Variants in CHM observed in about 807,000 individuals in gnomAD.
CHM encodes CHM Rab escort protein.
In CHM, 10 loss-of-function variants were observed where a neutral mutation model predicts 49.0. The ratio of observed to expected loss-of-function variants is 0.20; its 90% confidence interval spans 0.13 to 0.35. The LOEUF (loss-of-function observed/expected upper bound fraction) is 0.35. Ranked by LOEUF, CHM falls within the 10% of genes least tolerant of loss-of-function variation. The pLI is 1.00. For synonymous variants in CHM, 184 were observed against 167.5 expected (o/e 1.10, Z -0.76); for missense variants, 455 against 478.4 (o/e 0.95, Z 0.46).
intron 2 of CHM, among the ~76,000 whole-genome samples, chrX:86,017,729 A>G (rs1040853244): frequency 2.7e-5 from 3 of 111,683 alleles, no homozygotes; most frequent in African/African-American, 9.8e-5. Context: ...CACACAAAAT[A>G]GTCTTTAAAG....
At chrX:85,960,215 CATA>C (rs1350297034) in intron 5 of CHM, among the ~76,000 whole-genome samples, 1 of 111,412 alleles carries the variant, frequency 9.0e-6, no homozygotes, top group Non-Finnish European at 1.9e-5. Context: ...CCTGCATAGC[CATA>C]ATAATGTCAC....
intron 12 of CHM, among the ~76,000 whole-genome samples, chrX:85,893,361 G>A (rs719988): frequency 0.27 from 30,170 of 110,766 alleles, 3,333 homozygotes; most frequent in Admixed American, 0.38. Context: ...AAGTGAAAGA[G>A]CAGGTAAAGT....
rs1213396073 is a variant in CHM at position 85,957,849 on chromosome X, A to C, written c.940+6T>G. ...ATTGGAGAGCACTACTTAATGAAAAAAATACCTTTATATTCATCAGGATAT... is the reference window on the plus strand; with the variant it reads ...ATTGGAGAGCACTACTTAATGAAAACAATACCTTTATATTCATCAGGATAT... On this transcript the variant is annotated splice_donor_region_variant and intron_variant, in intron 7 of 14. Transcript: ENST00000357749. 3 of 1,199,786 alleles carry C rather than the reference A, an allele frequency of 2.5e-6. No homozygotes were observed. The highest frequency in any genetic ancestry group is 1.8e-5 in the African/African-American group (1 of 56,763).
chrX:86,008,090 A>C (rs1932903793), intron 2 of CHM, among the ~76,000 whole-genome samples: 1 of 111,990 alleles, frequency 8.9e-6, no homozygotes, highest in African/African-American at 3.3e-5. Flanking sequence ...AAAAAGGATG[A>C]GTTCATGTCC....
chrX:86,017,466 T>G (rs760424027), intron 2 of CHM, among the ~76,000 whole-genome samples: 1 of 111,586 alleles, frequency 9.0e-6, no homozygotes, highest in Non-Finnish European at 1.9e-5. Context: ...ACTGTTCTCA[T>G]GGTAGTGAAT....
chrX:86,046,953 C>T lies in CHM; in HGVS notation c.49+531G>A, dbSNP rs944167994. On this transcript the variant is annotated intron_variant, in intron 1 of 14. Coordinates refer to ENST00000357749, the MANE Select transcript of CHM (RefSeq NM_000390.4). ...TTCTCAACAAAATAGAATCCGTTTA[C>T]TTTCCCTAGTAAATTCATACGCACA... Among the ~76,000 whole-genome samples the T allele has an allele frequency of 8.0e-5, 9 of 111,826 alleles. No homozygotes were observed. The East Asian group carries it at 2.5e-3, about 32-fold the overall frequency.
chrX:85,900,728 T>G lies in CHM; in HGVS notation c.1350-19A>C. 1 of 1,115,885 alleles carries G rather than the reference T, an allele frequency of 9.0e-7. No homozygotes were observed. The highest frequency in any genetic ancestry group is 2.4e-4 in the Middle Eastern group (1 of 4,123). 92.0% of individuals were successfully genotyped at this position (1,115,885 alleles called of 1,213,427 possible). The stretch of plus-strand genomic sequence containing the variant: ...GATCTGCCTGTAATGCACAAAACAG[T>G]GAAGCAGTAATTCTGATTCCATGGA... On this transcript the variant is annotated intron_variant, in intron 10 of 14. Coordinates refer to ENST00000357749, the MANE Select transcript of CHM (RefSeq NM_000390.4).
intron 2 of CHM, among the ~76,000 whole-genome samples, chrX:86,008,842 G>A (rs901243839): frequency 1.8e-5 from 2 of 112,274 alleles, no homozygotes; most frequent in Non-Finnish European, 3.8e-5. Context: ...AAAAGCAACT[G>A]TACTGTGGGC....
intron 2 of CHM, among the ~76,000 whole-genome samples, chrX:85,983,162 A>G: frequency 9.0e-6 from 1 of 111,248 alleles, no homozygotes; most frequent in East Asian, 2.8e-4. Context: ...GGGTTAAATA[A>G]AATGCCTGTG....
intron 1 of CHM, among the ~76,000 whole-genome samples, chrX:86,035,862 C>T (rs1169796161): frequency 1.0e-5 from 1 of 99,217 alleles, no homozygotes; most frequent in African/African-American, 3.8e-5. Flanking sequence ...AGCGCGATCT[C>T]GGCTCACTGC....
At position 85,977,664 on chromosome X, in the gene CHM, A is replaced by G. The variant is rs761431833; in HGVS notation, c.314+1103T>C. 3.8e-4 allele frequency among the ~76,000 whole-genome samples: 43 copies of G among 112,326 alleles called. 1 individual carries two copies. Among genetic ancestry groups the G allele is most frequent in the African/African-American group, 1.3e-3 (39 of 30,964 alleles). ...TTTATTCCTCATTTCGTTAAAGCAT[A>G]TGTCTTTTCAGTTGAAATCATCTTC... On this transcript the variant is annotated intron_variant, in intron 4 of 14. Coordinates refer to ENST00000357749, the MANE Select transcript of CHM (RefSeq NM_000390.4).
chrX:85,882,775 G>A (rs1297854016), intron 12 of CHM, among the ~76,000 whole-genome samples: 1 of 111,708 alleles, frequency 9.0e-6, no homozygotes, highest in Non-Finnish European at 1.9e-5. Context: ...TGAAACACAT[G>A]AGAAGTAGGA....
At chrX:85,895,922 C>CT (rs370685805) in intron 11 of CHM, among the ~76,000 whole-genome samples, 56 of 102,787 alleles carry the variant, frequency 5.4e-4, no homozygotes, top group Middle Eastern at 4.9e-3. Context: ...CGACTATCAC[C>CT]TTTTTTTTTT....
At chrX:85,878,577 C>T (rs997974612) in intron 13 of CHM, among the ~76,000 whole-genome samples, 9 of 111,095 alleles carry the variant, frequency 8.1e-5, no homozygotes, top group African/African-American at 2.9e-4. Context: ...AAGGAAGATA[C>T]ATTTCTCTGA....
chrX:85,870,668 G>A (rs2148117617), intron 14 of CHM, among the ~76,000 whole-genome samples: 1 of 111,629 alleles, frequency 9.0e-6, no homozygotes, highest in African/African-American at 3.3e-5. Flanking sequence ...TTGGGTAAAT[G>A]GTACACAACA....
intron 1 of CHM, among the ~76,000 whole-genome samples, chrX:86,031,205 C>A (rs1229946899): frequency 9.0e-6 from 1 of 111,537 alleles, no homozygotes; most frequent in African/African-American, 3.3e-5. Flanking sequence ...AATCAACTAG[C>A]ATGAAGTATC....
chrX:86,022,984 T>A (rs1431302834), intron 2 of CHM, among the ~76,000 whole-genome samples: 1 of 111,053 alleles, frequency 9.0e-6, no homozygotes, highest in African/African-American at 3.3e-5. Flanking sequence ...CTTTATCTGA[T>A]CCACCACCAA....
intron 2 of CHM, among the ~76,000 whole-genome samples, chrX:86,022,133 C>T (rs1323773297): frequency 2.7e-5 from 3 of 111,840 alleles, no homozygotes; most frequent in African/African-American, 9.8e-5. Context: ...ACATACTGAA[C>T]ACTGCTGAAT....
chrX:85,972,777 G>A (rs1356104840), intron 4 of CHM, among the ~76,000 whole-genome samples: 1 of 112,041 alleles, frequency 8.9e-6, no homozygotes, highest in African/African-American at 3.2e-5. Context: ...AGCCAGCTCT[G>A]GCCTTGCCAG....
Sources: allele counts gnomAD v4.1 joint callset (sites outside exome capture counted in the v4.1 genomes callset), GRCh38; gene constraint gnomAD v4.1.1; transcripts MANE v1.5; gene names NCBI Gene and HGNC (gene_info 2026-07-23, HGNC 2026-07-21).